The following KIF3C variants were observed in gnomAD, a reference collection of about 807,000 sequenced individuals.
KIF3C encodes the protein kinesin family member 3C.
KIF3C carries 12 observed loss-of-function variants against 67.7 expected under a neutral mutation model. That is an observed-to-expected ratio of 0.18 (90% CI 0.11 to 0.29). The LOEUF is 0.29. Among genes scored for constraint, KIF3C ranks in the 10% least tolerant of loss-of-function variants. KIF3C has a pLI of 1.00. For missense variants in KIF3C, 789 were observed against 1,059.6 expected (o/e 0.74, Z 3.55); for synonymous variants, 393 against 426.2 (o/e 0.92, Z 0.96).
intron 1 of KIF3C, among the ~76,000 whole-genome samples, chr2:25,959,761 A>G (rs1214723221): frequency 1.3e-5 from 2 of 152,010 alleles, no homozygotes; most frequent in Non-Finnish European, 2.9e-5. Context: ...TCTTTATCCC[A>G]GTTTCTCCTC....
intron 1 of KIF3C, among the ~76,000 whole-genome samples, chr2:25,971,300 C>G (rs994029912): frequency 6.8e-6 from 1 of 147,432 alleles, no homozygotes; most frequent in Non-Finnish European, 1.5e-5. Flanking sequence ...AATAGCAGGA[C>G]GTGGTGGCGC....
chr2:25,975,936 C>T (rs1259320689), intron 1 of KIF3C, among the ~76,000 whole-genome samples: 1 of 151,552 alleles, frequency 6.6e-6, no homozygotes, highest in Non-Finnish European at 1.5e-5. Context: ...CCAGCCTGGG[C>T]GACAGAGTGA....
rs749772823 is a variant in KIF3C, at chr2:25,981,816, G to A, written c.102C>T (p.Thr34=). 1 of 1,613,136 alleles carries A rather than the reference G, an allele frequency of 6.2e-7. No homozygotes were observed. The highest frequency in any genetic ancestry group is 1.3e-5 in the African/African-American group (1 of 75,048). Residue 34 remains threonine, a synonymous_variant, in exon 1 of 8, where the codon ACC becomes ACT. Coordinates refer to ENST00000264712, the MANE Select transcript of KIF3C (RefSeq NM_002254.8). This position sits in a 1 kb window ranked among gnomAD's most constrained non-coding sequence, Gnocchi z 8.2. ...EEAAGHEQIL[T]MDVKLGQVTL... ...TCACCTGGCCCAGTTTCACGTCCATGGTCAGGATCTGCTCGTGACCAGCAG... is the reference window on the plus strand; with the variant it reads ...TCACCTGGCCCAGTTTCACGTCCATAGTCAGGATCTGCTCGTGACCAGCAG...
At chr2:25,929,882 C>T (rs2090444274) in intron 6 of KIF3C, 73 bp downstream of exon 6, 12 of 1,053,712 alleles carry the variant, frequency 1.1e-5, no homozygotes, top group Non-Finnish European at 1.6e-5. Context: ...TCCCACAGTG[C>T]TGGGATTACA....
At chr2:25,931,116 T>C (rs1353570230) in intron 5 of KIF3C, among the ~76,000 whole-genome samples, 1 of 152,054 alleles carries the variant, frequency 6.6e-6, no homozygotes, top group Non-Finnish European at 1.5e-5. Flanking sequence ...ATAGCATATA[T>C]AGGGTTTGGT....
chr2:25,945,146 T>A (rs1663397540), intron 5 of KIF3C, among the ~76,000 whole-genome samples: 1 of 148,146 alleles, frequency 6.8e-6, no homozygotes, highest in African/African-American at 2.5e-5. Flanking sequence ...AAAAAAAAAA[T>A]TTAAGGGAAC....
At chr2:25,929,547 C>G in intron 6 of KIF3C, 70 bp from the exon 7 acceptor site, 1 of 1,408,542 alleles carries the variant, frequency 7.1e-7, no homozygotes, top group Non-Finnish European at 1.0e-6. Context: ...CTCAGCCAGT[C>G]TTGGGTGTAG....
In KIF3C at chr2:25,981,539, T is replaced by C; in HGVS notation, c.379A>G (p.Ile127Val). 6.2e-7 allele frequency: 1 copy of C among 1,614,188 alleles called. No homozygotes were observed. The highest frequency in any genetic ancestry group is 8.5e-7 in the Non-Finnish European group (1 of 1,180,038). The change falls in exon 1 of 8, where the codon ATC becomes GTC. Residue 127 changes from isoleucine (I) to valine (V), a missense_variant. Ile to Val is a conservative substitution (Grantham distance 29). This residue lies in a region of KIF3C where 141 missense variants were observed against 251.8 expected (regional missense o/e 0.56). Coordinates refer to ENST00000264712, the MANE Select transcript of KIF3C (RefSeq NM_002254.8). This position sits in a 1 kb window ranked among gnomAD's most constrained non-coding sequence, Gnocchi z 8.2. ...TGGGAGCGGGAGATGTGGGTGAAGA[T>C]GTGCTCAAAGGCATTCGGGATGACC... Reference protein sequence around the residue: ...RGVIPNAFEHIFTHISRSQNQ... With the variant: ...RGVIPNAFEHVFTHISRSQNQ...
rs1445295366 is a variant in KIF3C, at chr2:25,928,033, G to A, written c.*945C>T. On this transcript the variant is annotated 3_prime_UTR_variant, in exon 8 of 8. Coordinates refer to ENST00000264712, the MANE Select transcript of KIF3C (RefSeq NM_002254.8). Reference sequence around the variant, plus strand: ...AAAAGCAATAGATGTTAATATCTTCGTTTAGCGAGGGGTAGAATGACATTG... The same window carrying A: ...AAAAGCAATAGATGTTAATATCTTCATTTAGCGAGGGGTAGAATGACATTG... 2.6e-5 allele frequency: 4 copies of A among 152,562 alleles called. No homozygotes were observed. The highest frequency in any genetic ancestry group is 4.8e-5 in the African/African-American group (2 of 41,428). 9.5% of individuals were successfully genotyped at this position (152,562 alleles called of 1,614,324 possible). A position where few individuals can be genotyped will look rare whatever the true frequency, so the allele number is the denominator to read the frequency against.
At chr2:25,929,880 T>A (rs1365544070) in intron 6 of KIF3C, 75 bp downstream of exon 6, 1 of 1,031,560 alleles carries the variant, frequency 9.7e-7, no homozygotes, top group African/African-American at 1.6e-5. Context: ...CCTCCCACAG[T>A]GCTGGGATTA....
intron 1 of KIF3C, among the ~76,000 whole-genome samples, chr2:25,976,016 C>G (rs1469568499): frequency 1.3e-5 from 2 of 151,944 alleles, no homozygotes; most frequent in African/African-American, 2.4e-5. Flanking sequence ...GTGGAATAAA[C>G]GAGATAATCT....
At chr2:25,950,075 A>G (rs1663555010) in intron 5 of KIF3C, among the ~76,000 whole-genome samples, 1 of 151,298 alleles carries the variant, frequency 6.6e-6, no homozygotes, top group African/African-American at 2.4e-5. Context: ...TATTTTTAGT[A>G]GAGACGGGGT....
At chr2:25,930,194 T>TTGC (rs747889946) in intron 5 of KIF3C, 131 bp from the exon 6 acceptor site, 1 of 689,396 alleles carries the variant, frequency 1.5e-6, no homozygotes, top group South Asian at 1.7e-5. Flanking sequence ...TTTCTTCTCC[T>TTGC]TGCTCTAATA....
Position 25,927,736 on chromosome 2 carries a change from C to T in KIF3C, c.*1242G>A, listed in dbSNP as rs749496362. On this transcript the variant is annotated 3_prime_UTR_variant, in exon 8 of 8. Transcript: ENST00000264712. ...TTTCGTTATGACCTCTTCACCCGTC[C>T]TCCAAAATATACACTTAAAAAGCCA... 1 of 152,248 alleles carries T rather than the reference C, an allele frequency of 6.6e-6. No homozygotes were observed. The highest frequency in any genetic ancestry group is 1.5e-5 in the Non-Finnish European group (1 of 68,046). 9.4% of individuals were successfully genotyped at this position (152,248 alleles called of 1,614,324 possible).
At position 25,928,729 on chromosome 2, in the gene KIF3C, G is replaced by A. The variant is rs1574474532; in HGVS notation, c.*249C>T. On this transcript the variant is annotated 3_prime_UTR_variant, in exon 8 of 8. Transcript: ENST00000264712. ...GAAAAAGAGGCTACGCAGTGACCAC[G>A]GTAGGCCCAGACGGCTCAGGCGAGG... The A allele has an allele frequency of 7.1e-6, 3 of 421,456 alleles. No homozygotes were observed. The highest frequency in any genetic ancestry group is 4.1e-5 in the African/African-American group (2 of 49,302). 26.1% of individuals were successfully genotyped at this position (421,456 alleles called of 1,614,324 possible). A position where few individuals can be genotyped will look rare whatever the true frequency, so the allele number is the denominator to read the frequency against.
At chr2:25,940,267 G>A (rs536786432) in intron 5 of KIF3C, among the ~76,000 whole-genome samples, 9 of 152,114 alleles carry the variant, frequency 5.9e-5, no homozygotes, top group Non-Finnish European at 1.3e-4. Context: ...GGTTCAGAGA[G>A]GTTAAAAAAA....
chr2:25,939,258 G>A (rs1255422702), intron 5 of KIF3C, among the ~76,000 whole-genome samples: 1 of 152,068 alleles, frequency 6.6e-6, no homozygotes, highest in Non-Finnish European at 1.5e-5. Context: ...GTGAGCCACC[G>A]CGGCTGGCCT....
intron 4 of KIF3C, among the ~76,000 whole-genome samples, chr2:25,952,750 G>T (rs1232083610): frequency 6.6e-6 from 1 of 151,674 alleles, no homozygotes; most frequent in Non-Finnish European, 1.5e-5. Context: ...TAGAGATGGG[G>T]TTTCACCACG....
intron 5 of KIF3C, among the ~76,000 whole-genome samples, chr2:25,944,438 C>A (rs1180551458): frequency 6.7e-6 from 1 of 148,752 alleles, no homozygotes; most frequent in African/African-American, 2.5e-5. Context: ...GAAGCCTCAA[C>A]CTCCTAGGTT....
Sources: gnomAD v4.1 joint callset for allele counts (sites outside exome capture counted in the v4.1 genomes callset) on GRCh38, gnomAD v4.1.1 for gene constraint, gnomAD v4.1.1 regional missense constraint, Gnocchi (gnomAD v3.1) non-coding constraint, MANE v1.5 for transcripts, NCBI Gene and HGNC (gene_info 2026-07-23, HGNC 2026-07-21) for gene names.